Variants in ZFYVE26 observed in about 807,000 individuals in gnomAD.
The protein encoded by ZFYVE26 is zinc finger FYVE-type containing 26.
Under a neutral mutation model 276.5 loss-of-function variants are expected in ZFYVE26, and 181 were observed. The ratio of observed to expected loss-of-function variants is 0.65; its 90% confidence interval spans 0.58 to 0.74. ZFYVE26 has a LOEUF of 0.74. Among genes scored for constraint, ZFYVE26 ranks in the 30% least tolerant of loss-of-function variants. The pLI is 0.00. For missense variants in ZFYVE26, 2,821 were observed against 3,097.9 expected (o/e 0.91, Z 2.12); for synonymous variants, 1,129 against 1,203.1 (o/e 0.94, Z 1.27).
intron 16 of ZFYVE26, among the ~76,000 whole-genome samples, chr14:67,789,026 G>A (rs2039738013): frequency 6.6e-6 from 1 of 152,168 alleles, no homozygotes; most frequent in Admixed American, 6.5e-5. Context: ...CAGGTTTTAG[G>A]TTAAGTGAAG....
At chr14:67,784,682 C>G (rs1308322645) in intron 19 of ZFYVE26, among the ~76,000 whole-genome samples, 2 of 152,200 alleles carry the variant, frequency 1.3e-5, no homozygotes, top group Non-Finnish European at 2.9e-5. Flanking sequence ...TAGCCACGGA[C>G]AGCCAACTCC....
In ZFYVE26 at chr14:67,795,711, G is replaced by A. The variant is rs556990387; in HGVS notation, c.2333-1472C>T. ...AAAATTTAATACTCCTGCATAATGC[G>A]CCTATATTAACTTCTCTAAGAAAAG... On this transcript the variant is annotated intron_variant, in intron 12 of 41. Coordinates refer to ENST00000347230, the MANE Select transcript of ZFYVE26 (RefSeq NM_015346.4). 6.6e-5 allele frequency among the ~76,000 whole-genome samples: 10 copies of A among 152,106 alleles called. No homozygotes were observed. The South Asian group carries it at 1.9e-3, about 28-fold the overall frequency.
chr14:67,774,684 GA>G (rs1373964130), intron 27 of ZFYVE26, among the ~76,000 whole-genome samples: 2 of 152,168 alleles, frequency 1.3e-5, no homozygotes, highest in Non-Finnish European at 2.9e-5. Context: ...AAATAGAATA[GA>G]ATCGTCTAGG....
At chr14:67,789,294 C>T (rs958999828) in intron 16 of ZFYVE26, 41 bp downstream of exon 16, 1 of 1,612,650 alleles carries the variant, frequency 6.2e-7, no homozygotes, top group African/African-American at 1.3e-5. Flanking sequence ...AAACCCATCT[C>T]ATTTGAGAAT....
intron 6 of ZFYVE26, 38 bp downstream of exon 6, chr14:67,806,507 C>T (rs1245277901): frequency 6.2e-7 from 1 of 1,613,232 alleles, no homozygotes. Context: ...GGGAGAATCC[C>T]TGGGTACCTC....
At chr14:67,778,294 G>A (rs1364184614) in intron 23 of ZFYVE26, 46 bp from the exon 24 acceptor site, 4 of 1,612,964 alleles carry the variant, frequency 2.5e-6, no homozygotes, top group South Asian at 1.1e-5. Context: ...ATGACTGCCT[G>A]ATTCTTCTCA....
rs546234559 is a variant in ZFYVE26, at chr14:67,777,465, C to T, written c.4974+94G>A. The T allele has an allele frequency of 7.5e-6, 12 of 1,597,776 alleles. No individual in the cohort carries two copies. The East Asian group carries it at 2.0e-4, about 27-fold the overall frequency. On this transcript the variant is annotated intron_variant, in intron 25 of 41. Transcript: ENST00000347230. ...AAGTTCTGAAGAAGAGCTAGGCTCG[C>T]AGTCTCTCCCTCAGGTATGCCTTCC...
intron 40 of ZFYVE26, 88 bp downstream of exon 40, chr14:67,752,256 G>A: frequency 6.8e-7 from 1 of 1,463,180 alleles, no homozygotes; most frequent in Non-Finnish European, 9.4e-7. Flanking sequence ...AGAGTTTCAG[G>A]CACATTATGG....
rs2039612652 is a variant in ZFYVE26, at chr14:67,785,092, C to T, written c.3490G>A (p.Ala1164Thr). Residue 1164 changes from alanine (A) to threonine (T), a missense_variant, in exon 19 of 42, where the codon GCA (alanine) becomes ACA (threonine). Physicochemically the swap from Ala to Thr is moderately conservative, Grantham distance 58 (BLOSUM62 0). Coordinates refer to ENST00000347230, the MANE Select transcript of ZFYVE26 (RefSeq NM_015346.4). ...GAGCTCAAACTTTGAAGGAGAACTG[C>T]AGCAAGGGTGCTGCAGTAACTGAAG... ...TFFSYCSTLA[A>T]VLLQSLSSEP... The T allele has an allele frequency of 1.9e-6, 3 of 1,614,220 alleles. No homozygotes were observed. Among genetic ancestry groups the T allele is most frequent in the Non-Finnish European group, 2.5e-6 (3 of 1,180,044 alleles).
intron 32 of ZFYVE26, among the ~76,000 whole-genome samples, chr14:67,764,521 G>A (rs189611864): frequency 5.3e-5 from 8 of 152,266 alleles, no homozygotes; most frequent in African/African-American, 1.4e-4. Flanking sequence ...ACCCAGCTGA[G>A]TTTTGTTTTT....
chr14:67,732,568 C>G (rs1161835469), intron 13 of ZFYVE26, among the ~76,000 whole-genome samples: 10 of 146,086 alleles, frequency 6.8e-5, no homozygotes, highest in Non-Finnish European at 1.5e-4. Context: ...CAGAAAGCAA[C>G]TAAATGATAG....
Position 67,807,754 on chromosome 14 carries a change from T to C in ZFYVE26, c.530A>G (p.Glu177Gly). ...PAQALLELLLEEDDGTGLCHW... is the reference protein window; with the variant it reads ...PAQALLELLLGEDDGTGLCHW... ...ACAGAGGCCAGTACCGTCATCCTCC[T>C]CAAGCAGGAGCTCCAGCAGGGCCTG... Residue 177 changes from glutamate (E) to glycine (G), a missense_variant, in exon 5 of 42, where the codon GAG (glutamate) becomes GGG (glycine). Glu to Gly is a moderately conservative substitution (Grantham distance 98). Transcript: ENST00000347230. The C allele has an allele frequency of 1.2e-6, 2 of 1,614,190 alleles. No homozygotes were observed. Among genetic ancestry groups the C allele is most frequent in the Non-Finnish European group, 1.7e-6 (2 of 1,180,028 alleles).
intron 25 of ZFYVE26, among the ~76,000 whole-genome samples, chr14:67,776,992 T>C (rs991807151): frequency 1.3e-5 from 2 of 152,276 alleles, no homozygotes; most frequent in Non-Finnish European, 2.9e-5. Flanking sequence ...AGGTTTCTTC[T>C]ATTAATGTCT....
intron 41 of ZFYVE26, 111 bp downstream of exon 41, chr14:67,750,941 T>C: frequency 7.4e-7 from 1 of 1,351,976 alleles, no homozygotes; most frequent in South Asian, 1.2e-5. Context: ...ATACAGAAGC[T>C]GAGATACGGG....
intron 36 of ZFYVE26, among the ~76,000 whole-genome samples, 159 bp downstream of exon 36, chr14:67,755,789 T>G (rs1263441963): frequency 6.6e-6 from 1 of 152,222 alleles, no homozygotes; most frequent in African/African-American, 2.4e-5. Flanking sequence ...ATCCTAATAT[T>G]ATTTAACAAT....
Position 67,786,036 on chromosome 14 carries a change from A to T in ZFYVE26, c.3140-14T>A, listed in dbSNP as rs1367429721. 5 of 1,614,068 alleles carry T rather than the reference A, an allele frequency of 3.1e-6. No homozygotes were observed. The South Asian group carries it at 5.5e-5, about 18-fold the overall frequency. On this transcript the variant is annotated splice_polypyrimidine_tract_variant and intron_variant, in intron 17 of 41. Transcript: ENST00000347230. ...CTTCCACACTCTCTATGGAAAGCAA[A>T]TGAGAAAGAAAAAGTAAAGTCTGTT...
intron 14 of ZFYVE26, among the ~76,000 whole-genome samples, chr14:67,728,929 A>G (rs1365183335): frequency 6.6e-6 from 1 of 152,218 alleles, no homozygotes; most frequent in Non-Finnish European, 1.5e-5. Context: ...CTAAAGCCAC[A>G]GTATAAAAAC....
At chr14:67,767,630 A>C (rs555136464) in intron 31 of ZFYVE26, 74 bp downstream of exon 31, 2 of 1,602,800 alleles carry the variant, frequency 1.2e-6, no homozygotes, top group African/African-American at 1.3e-5. Flanking sequence ...GTGTTCACCT[A>C]CCTCTGTATT....
exon 14 of ZFYVE26, chr14:67,729,785 A>T (rs368925818): frequency 3.2e-5 from 16 of 500,678 alleles, no homozygotes; most frequent in Non-Finnish European, 6.4e-5. Flanking sequence ...TTCGGTGTGA[A>T]CTCTGTCCCT....
Sources: gnomAD v4.1 joint callset for allele counts (sites outside exome capture counted in the v4.1 genomes callset) on GRCh38, gnomAD v4.1.1 for gene constraint, MANE v1.5 for transcripts, NCBI Gene and HGNC (gene_info 2026-07-23, HGNC 2026-07-21) for gene names.